The following ATP2A1 variants were observed in gnomAD, a reference collection of about 807,000 sequenced individuals.
ATP2A1 encodes the protein ATPase sarcoplasmic/endoplasmic reticulum Ca2+ transporting 1.
In ATP2A1, 83 loss-of-function variants were observed where a neutral mutation model predicts 109.5. The observed-to-expected ratio is 0.76, with a 90% CI of 0.63 to 0.91. The LOEUF is 0.91. Among genes scored for constraint, ATP2A1 ranks in the 40% least tolerant of loss-of-function variants. ATP2A1 has a pLI of 0.00. For synonymous variants in ATP2A1, 505 were observed against 537.6 expected, an observed-to-expected ratio of 0.94 and a Z score of 0.84; for missense variants, 1,101 against 1,341.0, an observed-to-expected ratio of 0.82 and a Z score of 2.80.
At position 28,903,490 on chromosome 16, in the gene ATP2A1, C is replaced by T; in HGVS notation, c.2980+50C>T. The T allele has an allele frequency of 7.3e-6, 11 of 1,501,656 alleles. No homozygotes were observed. Among genetic ancestry groups the T allele is most frequent in the Non-Finnish European group, 1.0e-5 (11 of 1,081,480 alleles). The allele number at this position is 1,501,656 out of a possible 1,614,324, so 93.0% of individuals were successfully genotyped here. A position where few individuals can be genotyped will look rare whatever the true frequency, so the allele number is the denominator to read the frequency against. On this transcript the variant is annotated intron_variant, in intron 21 of 22. Coordinates refer to ENST00000395503, the MANE Select transcript of ATP2A1 (RefSeq NM_004320.6). This position sits in a 1 kb window ranked among gnomAD's most constrained non-coding sequence, Gnocchi z 5.6. Reference sequence around the variant, plus strand: ...AGCCCTGGCCCCACCACAGCCCCTTCCCCATGACGCCGCCCCCGCCCCGCC... The same window carrying T: ...AGCCCTGGCCCCACCACAGCCCCTTTCCCATGACGCCGCCCCCGCCCCGCC...
chr16:28,887,484 C>T lies in ATP2A1; in HGVS notation c.690C>T (p.Thr230=), dbSNP rs756854250. 23 of 1,613,928 alleles carry T rather than the reference C, an allele frequency of 1.4e-5. No homozygotes were observed. The highest frequency in any genetic ancestry group is 1.2e-4 in the African/African-American group (9 of 74,886). ...TCGTGGCCACCACTGGTGTGGGCACCGAGATTGGGAAGATCCGAGACCAAA... is the reference window on the plus strand; with the variant it reads ...TCGTGGCCACCACTGGTGTGGGCACTGAGATTGGGAAGATCCGAGACCAAA... ...LGIVATTGVG[T]EIGKIRDQMA... The change falls in exon 8 of 23, where the codon ACC becomes ACT. Residue 230 remains threonine, a synonymous_variant. Transcript: ENST00000395503.
chr16:28,903,495 T>C lies in ATP2A1; in HGVS notation c.2980+55T>C. ...TGGCCCCACCACAGCCCCTTCCCCA[T>C]GACGCCGCCCCCGCCCCGCCCCGTA... On this transcript the variant is annotated intron_variant, in intron 21 of 22. Transcript: ENST00000395503. The surrounding 1 kb of genome is among the most constrained non-coding windows in gnomAD (Gnocchi z 5.6). The C allele has an allele frequency of 7.3e-7, 1 of 1,367,340 alleles. No individual in the cohort carries two copies. Among genetic ancestry groups the C allele is most frequent in the South Asian group, 1.2e-5 (1 of 86,828 alleles). 84.7% of individuals were successfully genotyped at this position (1,367,340 alleles called of 1,614,324 possible). A position where few individuals can be genotyped will look rare whatever the true frequency, so the allele number is the denominator to read the frequency against.
chr16:28,903,668 A>G lies in ATP2A1; in HGVS notation c.2981-32A>G, dbSNP rs772761577. 14 of 1,601,474 alleles carry G rather than the reference A, an allele frequency of 8.7e-6. No individual in the cohort carries two copies. In the South Asian group the frequency reaches 9.9e-5, roughly 11 times the overall value. ...GCCCCCATGCCACCTCCCTGCCTTG[A>G]TAACAGTGCCTCTTGTCCTCTCTGG... On this transcript the variant is annotated intron_variant, in intron 21 of 22. Coordinates refer to ENST00000395503, the MANE Select transcript of ATP2A1 (RefSeq NM_004320.6). The surrounding 1 kb of genome is among the most constrained non-coding windows in gnomAD (Gnocchi z 5.6).
Position 28,903,195 on chromosome 16 carries a change from C to T in ATP2A1, c.2862+48C>T. ...CCGCCCACCCCAGCACTGGGGAGCC[C>T]ACGGCGGGCCCATGACCACTCCCAC... On this transcript the variant is annotated intron_variant, in intron 20 of 22. Coordinates refer to ENST00000395503, the MANE Select transcript of ATP2A1 (RefSeq NM_004320.6). This position sits in a 1 kb window ranked among gnomAD's most constrained non-coding sequence, Gnocchi z 5.6. 6.2e-7 allele frequency: 1 copy of T among 1,603,994 alleles called. No homozygotes were observed.
At chr16:28,890,064 C>T (rs1174359101) in intron 9 of ATP2A1, among the ~76,000 whole-genome samples, 2 of 152,100 alleles carry the variant, frequency 1.3e-5, no homozygotes, top group East Asian at 3.9e-4. Flanking sequence ...ATTGCTTCAA[C>T]CCGGGAGGCA....
At chr16:28,900,502 C>A in intron 14 of ATP2A1, 79 bp from the exon 15 acceptor site, 300 of 643,010 alleles carry the variant, frequency 4.7e-4, no homozygotes, top group East Asian at 7.8e-4. Flanking sequence ...TTCACCCCAT[C>A]CCCACCCCCC....
At chr16:28,900,472 T>G in intron 14 of ATP2A1, 109 bp from the exon 15 acceptor site, 11 of 351,310 alleles carry the variant, frequency 3.1e-5, no homozygotes, top group East Asian at 5.9e-5. Context: ...TTCCCACCCC[T>G]CCCCACCACT....
chr16:28,900,172 A>G (rs1482856399), intron 14 of ATP2A1, among the ~76,000 whole-genome samples: 2 of 151,584 alleles, frequency 1.3e-5, no homozygotes, highest in Non-Finnish European at 2.9e-5. Context: ...ATGTTGGTGC[A>G]TGCCTGTAGT....
Position 28,880,996 on chromosome 16 carries a change from A to C in ATP2A1, c.301A>C (p.Asn101His). 1 of 1,614,122 alleles carries C rather than the reference A, an allele frequency of 6.2e-7. No homozygotes were observed. Among genetic ancestry groups the C allele is most frequent in the Non-Finnish European group, 8.5e-7 (1 of 1,180,006 alleles). The stretch of plus-strand genomic sequence containing the variant: ...TGTCATCCTCTTGATCCTCATTGCC[A>C]ATGCCATCGTGGGGGTTTGGCAGGT... Reference protein sequence around the residue: ...PFVILLILIANAIVGVWQERN... With the variant: ...PFVILLILIAHAIVGVWQERN... The change falls in exon 4 of 23, where the codon AAT becomes CAT. Residue 101 changes from asparagine (N) to histidine (H), a missense_variant. By Grantham distance (68) the Asn-to-His change is moderately conservative. Transcript: ENST00000395503. This position sits in a 1 kb window ranked among gnomAD's most constrained non-coding sequence, Gnocchi z 4.2.
chr16:28,900,481 CTT>C, intron 14 of ATP2A1, 98 bp from the exon 15 acceptor site: 1 of 996,616 alleles, frequency 1.0e-6, no homozygotes, highest in Non-Finnish European at 1.4e-6. Flanking sequence ...CTCCCCACCA[CTT>C]CCTGACCTTT....
chr16:28,896,419 G>GT (rs888670211), intron 12 of ATP2A1, among the ~76,000 whole-genome samples: 63 of 143,706 alleles, frequency 4.4e-4, no homozygotes, highest in South Asian at 1.6e-3. Context: ...GTAGAGACGA[G>GT]TTTTTTTTTT....
intron 12 of ATP2A1, among the ~76,000 whole-genome samples, chr16:28,895,919 A>T (rs989425485): frequency 6.6e-6 from 1 of 152,196 alleles, no homozygotes; most frequent in African/African-American, 2.4e-5. Context: ...ACTAATTTTT[A>T]AAATTTATAA....
At chr16:28,893,221 CAA>C (rs796830433) in intron 9 of ATP2A1, among the ~76,000 whole-genome samples, 20 of 112,658 alleles carry the variant, frequency 1.8e-4, no homozygotes, top group Admixed American at 6.4e-4. Context: ...CAATTTCTAC[CAA>C]AAAAAAAAAA....
intron 6 of ATP2A1, among the ~76,000 whole-genome samples, chr16:28,886,683 G>A (rs1033645009): frequency 2.6e-5 from 4 of 151,694 alleles, no homozygotes; most frequent in South Asian, 2.1e-4. Flanking sequence ...GGCTTGGGTC[G>A]AGGTCTTTTT....
intron 4 of ATP2A1, among the ~76,000 whole-genome samples, chr16:28,881,950 C>G (rs936424065): frequency 6.6e-6 from 1 of 151,634 alleles, no homozygotes; most frequent in Non-Finnish European, 1.5e-5. Flanking sequence ...TTAGATTTTT[C>G]TTTTTGAGAC....
rs1174016328 is a variant in ATP2A1 at position 28,883,832 on chromosome 16, G to C, written c.464-743G>C. On this transcript the variant is annotated intron_variant, in intron 5 of 22. Coordinates refer to ENST00000395503, the MANE Select transcript of ATP2A1 (RefSeq NM_004320.6). This position sits in a 1 kb window ranked among gnomAD's most constrained non-coding sequence, Gnocchi z 5.2. Reference sequence around the variant, plus strand: ...CCATCCTGTCTTGTCCATGTCCCCAGCTCACTCTCCCTGGCTCCCCGCCTC... The same window carrying C: ...CCATCCTGTCTTGTCCATGTCCCCACCTCACTCTCCCTGGCTCCCCGCCTC... Among the ~76,000 whole-genome samples the C allele has an allele frequency of 1.3e-5, 2 of 151,876 alleles. No individual in the cohort carries two copies. Among genetic ancestry groups the C allele is most frequent in the Non-Finnish European group, 2.9e-5 (2 of 67,964 alleles).
Position 28,882,197 on chromosome 16 carries a change from G to A in ATP2A1, c.325-254G>A, listed in dbSNP as rs112348784. 0.028 allele frequency among the ~76,000 whole-genome samples: 4,079 copies of A among 143,242 alleles called. 188 individuals carry two copies. The highest frequency in any genetic ancestry group is 0.1 in the African/African-American group (3,833 of 38,372). The allele number at this position is 143,242 out of a possible 152,430, so 94.0% of individuals were successfully genotyped here. The stretch of plus-strand genomic sequence containing the variant: ...TGGTCTCGAACTCCTGACTTCAAGT[G>A]ATCCGCCTGCCTCAGCCTCCCAGAG... On this transcript the variant is annotated intron_variant, in intron 4 of 22. Coordinates refer to ENST00000395503, the MANE Select transcript of ATP2A1 (RefSeq NM_004320.6).
In ATP2A1 at chr16:28,898,742, T is replaced by TA. The variant is rs1555516760; in HGVS notation, c.1764+301dup. 0.3 allele frequency among the ~76,000 whole-genome samples: 40,512 copies of TA among 133,990 alleles called. 6,074 individuals carry two copies. The highest frequency in any genetic ancestry group is 0.67 in the South Asian group (3,100 of 4,618). The allele number at this position is 133,990 out of a possible 152,430, so 87.9% of individuals were successfully genotyped here. A position where few individuals can be genotyped will look rare whatever the true frequency, so the allele number is the denominator to read the frequency against. On this transcript the variant is annotated intron_variant, in intron 14 of 22. Transcript: ENST00000395503. The surrounding 1 kb of genome is among the most constrained non-coding windows in gnomAD (Gnocchi z 4.0). ...AATGAAGTGAGAACCCCATCTCTAT[T>TA]AAAAAAAAAATTTTTTTAATTACCT...
rs1177359868 is a variant in ATP2A1, at chr16:28,878,625, C to A, written c.-47C>A. 2.0e-6 allele frequency: 3 copies of A among 1,507,516 alleles called. No individual in the cohort carries two copies. Among genetic ancestry groups the A allele is most frequent in the Admixed American group, 1.9e-5 (1 of 52,016 alleles). 93.4% of individuals were successfully genotyped at this position (1,507,516 alleles called of 1,614,324 possible). ...GAGGAAGACCCCCCACGAGTGGGAA[C>A]CCCCTGGAAGGAACACACCGGCCCC... is the stretch of plus-strand genomic sequence containing the variant. On this transcript the variant is annotated 5_prime_UTR_variant, in exon 1 of 23. Coordinates refer to ENST00000395503, the MANE Select transcript of ATP2A1 (RefSeq NM_004320.6).
Sources: allele counts gnomAD v4.1 joint callset (sites outside exome capture counted in the v4.1 genomes callset), GRCh38; gene constraint gnomAD v4.1.1; non-coding constraint Gnocchi (gnomAD v3.1); transcripts MANE v1.5; gene names NCBI Gene and HGNC (gene_info 2026-07-23, HGNC 2026-07-21).